TECR: variants seen among roughly 807,000 people sequenced by gnomAD.
The protein encoded by TECR is very-long-chain enoyl-CoA reductase.
Under a neutral mutation model 50.6 loss-of-function variants are expected in TECR, and 19 were observed. That is an observed-to-expected ratio of 0.38 (90% CI 0.26 to 0.55). The LOEUF (loss-of-function observed/expected upper bound fraction) is 0.55, where lower values mean the gene tolerates loss of function less well. TECR is among the 20% of genes least tolerant of loss of function. The pLI, the probability that TECR is intolerant of heterozygous loss-of-function variation, is 0.79. For synonymous variants in TECR, 168 were observed against 163.5 expected (o/e 1.03, Z -0.21); for missense variants, 313 against 408.3 (o/e 0.77, Z 2.01).
At chr19:14,543,444 T>G (rs1265763793) in intron 1 of TECR, among the ~76,000 whole-genome samples, 2 of 60,764 alleles carry the variant, frequency 3.3e-5, no homozygotes, top group Admixed American at 1.8e-4. Context: ...TTTTTTTTTT[T>G]TTTTTTTTTT....
rs919508996 is a variant in TECR, at chr19:14,565,890, G to GT, written c.*19_*20insT. ...GCTCTGAGCGCTCACCCCTGCTGAG[G>GT]CTCAGCCCCTCAACCCGGTGGCATT... On this transcript the variant is annotated 3_prime_UTR_variant, in exon 13 of 13. Coordinates refer to ENST00000215567, the MANE Select transcript of TECR (RefSeq NM_138501.6). The GT allele has an allele frequency of 3.2e-6, 5 of 1,571,796 alleles. No individual in the cohort carries two copies. The Admixed American group carries it at 9.3e-5, about 29-fold the overall frequency.
In TECR at chr19:14,529,597, TA is replaced by T; in HGVS notation, c.-99del. On this transcript the variant is annotated 5_prime_UTR_variant, in exon 1 of 13. Coordinates refer to ENST00000215567, the MANE Select transcript of TECR (RefSeq NM_138501.6). ...GGCGGGGCGGACGCAGAGCCGCGTT[TA>T]GTCTATCGCTGCGGTTGCGAGCGCT... The T allele has an allele frequency of 6.3e-7, 1 of 1,580,764 alleles. No homozygotes were observed. Among genetic ancestry groups the T allele is most frequent in the Non-Finnish European group, 8.7e-7 (1 of 1,150,936 alleles).
chr19:14,545,312 A>G (rs757729569), intron 1 of TECR: 1 of 413,122 alleles, frequency 2.4e-6, no homozygotes, highest in East Asian at 7.2e-5. Context: ...GGGCCTTTGC[A>G]TTCCCCGCCA....
intron 1 of TECR, among the ~76,000 whole-genome samples, chr19:14,535,446 G>T (rs1378588162): frequency 7.2e-6 from 1 of 139,256 alleles, no homozygotes; most frequent in Non-Finnish European, 1.5e-5. Context: ...GGCGGAGCTT[G>T]CAGTGAGCCG....
At chr19:14,556,513 C>T (rs1289612904) in intron 1 of TECR, among the ~76,000 whole-genome samples, 3 of 152,136 alleles carry the variant, frequency 2.0e-5, no homozygotes, top group Non-Finnish European at 4.4e-5. Context: ...TATCTGCCCC[C>T]ACCCCCTGCT....
chr19:14,565,419 G>C, intron 11 of TECR, 129 bp downstream of exon 11: 1 of 1,380,130 alleles, frequency 7.2e-7, no homozygotes, highest in Non-Finnish European at 1.0e-6. Flanking sequence ...GGGAGGTGGA[G>C]ACCGCGGCCT....
chr19:14,531,270 C>A (rs1219925235), intron 1 of TECR: 1 of 151,792 alleles, frequency 6.6e-6, no homozygotes, highest in Non-Finnish European at 1.5e-5. Flanking sequence ...CTCTTGACCT[C>A]AAGTGATTTG....
chr19:14,556,333 G>A (rs1222699973), intron 1 of TECR, among the ~76,000 whole-genome samples: 5 of 151,956 alleles, frequency 3.3e-5, no homozygotes, highest in Non-Finnish European at 5.9e-5. Context: ...ACTCTCAAAT[G>A]GCCATCCTCT....
chr19:14,562,237 G>A (rs2073924775), intron 1 of TECR: 9 of 602,088 alleles, frequency 1.5e-5, no homozygotes, highest in East Asian at 2.7e-5. Context: ...TGCCAGGGCC[G>A]GCACGGGCTC....
intron 1 of TECR, among the ~76,000 whole-genome samples, chr19:14,548,121 C>G (rs982443362): frequency 2.0e-5 from 3 of 151,886 alleles, no homozygotes; most frequent in Non-Finnish European, 4.4e-5. Context: ...CACCACCATG[C>G]CCAGCTAATT....
upstream of TECR, among the ~76,000 whole-genome samples, chr19:14,528,496 C>A (rs903608211): frequency 3.3e-5 from 5 of 151,974 alleles, no homozygotes; most frequent in Non-Finnish European, 7.4e-5. Flanking sequence ...CCTCGGCCTC[C>A]CAAGGTGCTA....
At position 14,564,196 on chromosome 19, in the gene TECR, GT is replaced by G; in HGVS notation, c.399del (p.His134ThrfsTer61). On this transcript the variant is annotated frameshift_variant, in exon 7 of 13. Transcript: ENST00000215567. LOFTEE classifies it high-confidence loss of function. ...RHTVVHLACI[C>X]HSFHYIKRLL... Reference sequence around the variant, plus strand: ...CCCCCGACCAGCCTCGCCTGCATCTGTCACTCATTCCACTACATCAAGCGCC... The same window carrying G: ...CCCCCGACCAGCCTCGCCTGCATCTGCACTCATTCCACTACATCAAGCGCC... 6.2e-7 allele frequency: 1 copy of G among 1,607,832 alleles called. No homozygotes were observed. The highest frequency in any genetic ancestry group is 8.5e-7 in the Non-Finnish European group (1 of 1,179,836).
intron 1 of TECR, among the ~76,000 whole-genome samples, chr19:14,536,323 G>C (rs1309399163): frequency 3.3e-5 from 5 of 149,928 alleles, no homozygotes; most frequent in Middle Eastern, 3.4e-3. Flanking sequence ...AGGCTGGAGT[G>C]CAGTGGTGCC....
Position 14,564,176 on chromosome 19 carries a change from G to T in TECR, c.384-6G>T. The T allele has an allele frequency of 6.2e-7, 1 of 1,606,624 alleles. No individual in the cohort carries two copies. The highest frequency in any genetic ancestry group is 1.1e-5 in the South Asian group (1 of 91,074). On this transcript the variant is annotated splice_region_variant and splice_polypyrimidine_tract_variant and intron_variant, in intron 6 of 12. Coordinates refer to ENST00000215567, the MANE Select transcript of TECR (RefSeq NM_138501.6). ...AGCCCCAGCTGAGCCTGCTCCCCCC[G>T]ACCAGCCTCGCCTGCATCTGTCACT...
chr19:14,538,201 A>G (rs2072973189), intron 1 of TECR, among the ~76,000 whole-genome samples: 1 of 152,228 alleles, frequency 6.6e-6, no homozygotes, highest in African/African-American at 2.4e-5. Flanking sequence ...GGATTCTTCT[A>G]GAACCAGAGT....
intron 1 of TECR, among the ~76,000 whole-genome samples, chr19:14,543,432 T>A (rs1424418347): frequency 0.022 from 631 of 28,494 alleles, 12 homozygotes; most frequent in Non-Finnish European, 0.041. Flanking sequence ...TTTTTTTTTT[T>A]TTTTTTTTTT....
rs1352371127 is a variant in TECR, at chr19:14,565,247, C to T, written c.710C>T (p.Thr237Met). 2 of 1,613,864 alleles carry T rather than the reference C, an allele frequency of 1.2e-6. No individual in the cohort carries two copies. The highest frequency in any genetic ancestry group is 1.7e-5 in the Admixed American group (1 of 60,008). Residue 237 changes from threonine to methionine, a missense_variant, in exon 11 of 13, where the codon ACG becomes ATG. Thr to Met is a moderately conservative substitution (Grantham distance 81, BLOSUM62 -1). Transcript: ENST00000215567. ...CCATACCCCACCAAGAACCCCTTCA[C>T]GTGGCTCTTCCTGCTGGTGTCCTGC... ...KIPYPTKNPF[T>M]WLFLLVSCPN...
upstream of TECR, chr19:14,529,392 C>G (rs2072521293): frequency 3.6e-6 from 2 of 560,678 alleles, no homozygotes; most frequent in Non-Finnish European, 3.2e-6. Flanking sequence ...GGTGGATGGT[C>G]AAGCCCCTTC....
At chr19:14,540,944 T>C (rs1227288995) in intron 1 of TECR, among the ~76,000 whole-genome samples, 4 of 152,022 alleles carry the variant, frequency 2.6e-5, no homozygotes, top group Admixed American at 2.0e-4. Flanking sequence ...AAGCCATTCT[T>C]TTGCCTCAGG....
Sources: gnomAD v4.1 joint callset for allele counts (sites outside exome capture counted in the v4.1 genomes callset) on GRCh38, gnomAD v4.1.1 for gene constraint, MANE v1.5 for transcripts, NCBI Gene and HGNC (gene_info 2026-07-23, HGNC 2026-07-21) for gene names.